CENPW: variants seen among roughly 807,000 people sequenced by gnomAD.
CENPW encodes the protein centromere protein W, also known as cancer-up-regulated gene 2 protein.
A neutral mutation model predicts 11.1 loss-of-function variants in CENPW; 3 were observed. That is an observed-to-expected ratio of 0.27 (90% confidence interval 0.12 to 0.70). The LOEUF is 0.70. Ranked by LOEUF, CENPW falls within the 30% of genes least tolerant of loss-of-function variation. The pLI, the probability that CENPW is intolerant of heterozygous loss-of-function variation, is 0.77. For synonymous variants in CENPW, 38 were observed against 42.0 expected (o/e 0.91, Z 0.37); for missense variants, 100 against 105.6 (o/e 0.95, Z 0.23).
the CENPW span, among the ~76,000 whole-genome samples, chr6:126,406,003 G>A: frequency 2.6e-5 from 4 of 152,016 alleles, no homozygotes; most frequent in Admixed American, 6.6e-5. Flanking sequence ...GAATAAGAGT[G>A]GTGAAAGTGA....
chr6:126,463,723 C>A, the CENPW span, among the ~76,000 whole-genome samples: 39 of 152,018 alleles, frequency 2.6e-4, no homozygotes, highest in Non-Finnish European at 2.9e-5. Context: ...GTGAAAGACA[C>A]AAATACCAAA....
At chr6:126,470,842 C>T in the CENPW span, among the ~76,000 whole-genome samples, 3 of 152,214 alleles carry the variant, frequency 2.0e-5, no homozygotes, top group African/African-American at 2.4e-5. Flanking sequence ...TTGCACAGGG[C>T]CTGTGGCCCC....
chr6:126,391,216 A>G, the CENPW span, among the ~76,000 whole-genome samples: 2 of 152,006 alleles, frequency 1.3e-5, no homozygotes, highest in Admixed American at 1.3e-4. Context: ...CATTTCTCTG[A>G]TGATCAGTGA....
At chr6:126,436,653 C>T in the CENPW span, among the ~76,000 whole-genome samples, 23 of 151,902 alleles carry the variant, frequency 1.5e-4, no homozygotes, top group African/African-American at 4.3e-4. Context: ...TCAATGACCT[C>T]ACAAAATTTT....
intron 1 of CENPW, among the ~76,000 whole-genome samples, chr6:126,345,257 C>T (rs1780386263): frequency 6.6e-6 from 1 of 151,730 alleles, no homozygotes; most frequent in Non-Finnish European, 1.5e-5. Flanking sequence ...CTTGTTTATA[C>T]ATATATGTAA....
At chr6:126,403,266 A>G in the CENPW span, among the ~76,000 whole-genome samples, 16 of 152,266 alleles carry the variant, frequency 1.1e-4, no homozygotes, top group Admixed American at 3.3e-4. Flanking sequence ...GGAAAGGAGA[A>G]GTTGCATATC....
the CENPW span, among the ~76,000 whole-genome samples, chr6:126,392,477 A>T: frequency 1.9e-3 from 283 of 151,876 alleles, 2 homozygotes; most frequent in East Asian, 0.034. Flanking sequence ...GAGGTAGGTT[A>T]CTTCTGTACC....
At chr6:126,397,017 G>A in the CENPW span, among the ~76,000 whole-genome samples, 2 of 151,912 alleles carry the variant, frequency 1.3e-5, no homozygotes, top group Admixed American at 6.6e-5. Flanking sequence ...CACTACATGG[G>A]GTTGGGGTAT....
the CENPW span, among the ~76,000 whole-genome samples, chr6:126,468,950 A>C: frequency 2.0e-5 from 3 of 152,018 alleles, no homozygotes; most frequent in Admixed American, 6.6e-5. Context: ...CCACAGGCAC[A>C]CACCACCACG....
At chr6:126,361,726 T>C in the CENPW span, among the ~76,000 whole-genome samples, 1 of 152,170 alleles carries the variant, frequency 6.6e-6, no homozygotes, top group East Asian at 1.9e-4. Context: ...TTTTGTTGAG[T>C]GTTCCAGGCT....
the CENPW span, among the ~76,000 whole-genome samples, chr6:126,459,470 T>C: frequency 6.6e-6 from 1 of 151,686 alleles, no homozygotes; most frequent in African/African-American, 2.4e-5. Context: ...GTATCTATTA[T>C]AGTTAATGTA....
the CENPW span, among the ~76,000 whole-genome samples, chr6:126,445,358 T>C: frequency 5.3e-5 from 8 of 151,332 alleles, no homozygotes; most frequent in East Asian, 1.6e-3. Flanking sequence ...CTAGCTTCTT[T>C]GTTTTATTGA....
chr6:126,413,155 A>T, the CENPW span, among the ~76,000 whole-genome samples: 3 of 152,178 alleles, frequency 2.0e-5, no homozygotes, highest in African/African-American at 7.2e-5. Flanking sequence ...AAGATAACAA[A>T]ATCTATATTG....
chr6:126,438,010 T>C, the CENPW span, among the ~76,000 whole-genome samples: 1 of 151,682 alleles, frequency 6.6e-6, no homozygotes, highest in Non-Finnish European at 1.5e-5. Flanking sequence ...TGGAAAACCA[T>C]GGGAGATTGG....
the CENPW span, among the ~76,000 whole-genome samples, chr6:126,373,286 A>T: frequency 6.6e-6 from 1 of 152,338 alleles, no homozygotes; most frequent in East Asian, 1.9e-4. Flanking sequence ...TGAGAATGAG[A>T]GGCATATAAA....
At chr6:126,395,607 T>C in the CENPW span, among the ~76,000 whole-genome samples, 1 of 152,146 alleles carries the variant, frequency 6.6e-6, no homozygotes, top group African/African-American at 2.4e-5. Context: ...CAGATTTTTT[T>C]TATATCTGTA....
rs967544902 is a variant in CENPW at position 126,348,712 on chromosome 6, C to T, written c.*220C>T. 2.4e-4 allele frequency: 79 copies of T among 325,652 alleles called. No homozygotes were observed. Among genetic ancestry groups the T allele is most frequent in the African/African-American group, 1.3e-3 (60 of 46,420 alleles). The allele number at this position is 325,652 out of a possible 1,614,324, so 20.2% of individuals were successfully genotyped here. A position where few individuals can be genotyped will look rare whatever the true frequency, so the allele number is the denominator to read the frequency against. On this transcript the variant is annotated 3_prime_UTR_variant, in exon 3 of 3. Coordinates refer to ENST00000368328, the MANE Select transcript of CENPW (RefSeq NM_001012507.4). ...TACTATTATTTTTATTTTAAATGTCCTCTAGTTCAGTTTGCTTTTGTTTTG... is the reference window on the plus strand; with the variant it reads ...TACTATTATTTTTATTTTAAATGTCTTCTAGTTCAGTTTGCTTTTGTTTTG...
chr6:126,340,808 A>G (rs1696423085), intron 1 of CENPW, among the ~76,000 whole-genome samples: 1 of 152,174 alleles, frequency 6.6e-6, no homozygotes, highest in Non-Finnish European at 1.5e-5. Context: ...TAGCTATTGT[A>G]AAAGGCATTG....
the CENPW span, among the ~76,000 whole-genome samples, chr6:126,427,685 T>A: frequency 1.3e-5 from 2 of 152,342 alleles, no homozygotes; most frequent in East Asian, 3.9e-4. Context: ...GCTACCATTT[T>A]TGTTAGGTTT....
Sources: gnomAD v4.1 joint callset for allele counts (sites outside exome capture counted in the v4.1 genomes callset) on GRCh38, gnomAD v4.1.1 for gene constraint, MANE v1.5 for transcripts, NCBI Gene and HGNC (gene_info 2026-07-23, HGNC 2026-07-21) for gene names.